The following GPC3 variants were observed in gnomAD, a reference collection of about 807,000 sequenced individuals.
GPC3 encodes glypican 3.
A neutral mutation model predicts 34.4 loss-of-function variants in GPC3; 3 were observed. That is an observed-to-expected ratio of 0.09 (90% confidence interval 0.04 to 0.23). GPC3 has a LOEUF of 0.23. Ranked by LOEUF, GPC3 falls within the 10% of genes least tolerant of loss-of-function variation. The pLI, the probability that GPC3 is intolerant of heterozygous loss-of-function variation, is 1.00. For synonymous variants in GPC3, 177 were observed against 174.0 expected (o/e 1.02, Z -0.13); for missense variants, 351 against 445.6 (o/e 0.79, Z 1.91).
chrX:133,955,959 T>C (rs1411077643), intron 1 of GPC3, among the ~76,000 whole-genome samples: 1 of 112,033 alleles, frequency 8.9e-6, no homozygotes, highest in Non-Finnish European at 1.9e-5. Flanking sequence ...GTTGATCATG[T>C]CCTTAACTTA....
intron 7 of GPC3, among the ~76,000 whole-genome samples, chrX:133,544,408 GGCTC>G (rs1353414463): frequency 1.8e-5 from 2 of 111,840 alleles, no homozygotes; most frequent in African/African-American, 6.5e-5. Context: ...CCTTAACTAG[GGCTC>G]AGACTGCTTC....
At chrX:133,747,670 T>C (rs1463854291) in intron 3 of GPC3, among the ~76,000 whole-genome samples, 1 of 111,798 alleles carries the variant, frequency 8.9e-6, no homozygotes, top group East Asian at 2.8e-4. Context: ...TTCTGCCACC[T>C]ACTAGCCAAG....
At chrX:133,856,408 T>TA (rs757138553) in intron 2 of GPC3, among the ~76,000 whole-genome samples, 1,956 of 108,729 alleles carry the variant, frequency 0.018, 52 homozygotes, top group African/African-American at 0.062. Context: ...GACCAAAATT[T>TA]AAAAAAAAAT....
intron 3 of GPC3, among the ~76,000 whole-genome samples, chrX:133,722,919 T>A (rs185417670): frequency 8.9e-6 from 1 of 111,841 alleles, no homozygotes. Flanking sequence ...AAGAGACTCA[T>A]CTTGCACATT....
At position 133,841,215 on chromosome X, in the gene GPC3, A is replaced by ATTTTTTTTTTTTTTTTTTTTTTTTTTT. The variant is rs769696321; in HGVS notation, c.338-87040_338-87039insAAAAAAAAAAAAAAAAAAAAAAAAAAA. 2.0e-4 allele frequency among the ~76,000 whole-genome samples: 8 copies of ATTTTTTTTTTTTTTTTTTTTTTTTTTT among 39,244 alleles called. 2 individuals carry two copies. Among genetic ancestry groups the ATTTTTTTTTTTTTTTTTTTTTTTTTTT allele is most frequent in the Middle Eastern group, 0.024 (1 of 42 alleles). The allele number at this position is 39,244 out of a possible 115,157, so 34.1% of individuals were successfully genotyped here. A position where few individuals can be genotyped will look rare whatever the true frequency, so the allele number is the denominator to read the frequency against. On this transcript the variant is annotated intron_variant, in intron 2 of 7. Coordinates refer to ENST00000370818, the MANE Select transcript of GPC3 (RefSeq NM_004484.4). ...ACCACCATGCCTGGCTAATCTTTTA[A>ATTTTTTTTTTTTTTTTTTTTTTTTTTT]TTTTTTTTTTTTTTTTTTTTTTTGG...
chrX:133,767,651 AG>A (rs1367106889), intron 2 of GPC3, among the ~76,000 whole-genome samples: 1 of 110,454 alleles, frequency 9.1e-6, no homozygotes, highest in African/African-American at 3.3e-5. Flanking sequence ...AGGCTGGCAT[AG>A]TTAACTCAGG....
rs189936761 is a variant in GPC3, at chrX:133,927,240, T to C, written c.337+25810A>G. Among the ~76,000 whole-genome samples the C allele has an allele frequency of 4.9e-4, 54 of 111,157 alleles. 3 individuals are homozygous for C. The East Asian group carries it at 6.8e-3, about 14-fold the overall frequency. ...TTTTTTTTTTAAAGTACAAAGTATT[T>C]AAGTACTTGTTTTGAACGATGCCAG... On this transcript the variant is annotated intron_variant, in intron 2 of 7. Coordinates refer to ENST00000370818, the MANE Select transcript of GPC3 (RefSeq NM_004484.4).
At chrX:133,835,430 T>G (rs1210466633) in intron 2 of GPC3, among the ~76,000 whole-genome samples, 2 of 111,932 alleles carry the variant, frequency 1.8e-5, no homozygotes, top group Admixed American at 9.5e-5. Flanking sequence ...ACCCCCATAT[T>G]CAATGAAGAG....
chrX:133,911,747 C>T (rs1304958292), intron 2 of GPC3, among the ~76,000 whole-genome samples: 1 of 111,522 alleles, frequency 9.0e-6, no homozygotes. Context: ...TGGTAGATTT[C>T]CGCTTTAAAA....
At chrX:133,653,703 G>A (rs754545634) in intron 6 of GPC3, among the ~76,000 whole-genome samples, 4 of 112,309 alleles carry the variant, frequency 3.6e-5, no homozygotes, top group Admixed American at 1.9e-4. Context: ...CCCAAACTTA[G>A]TTAATATCCA....
chrX:133,682,150 G>A (rs1421166954), intron 5 of GPC3, among the ~76,000 whole-genome samples: 4 of 111,537 alleles, frequency 3.6e-5, no homozygotes, highest in African/African-American at 3.3e-5. Context: ...CTAGGAGCCT[G>A]AGGCAGGAGG....
intron 2 of GPC3, among the ~76,000 whole-genome samples, chrX:133,791,379 C>T (rs748919260): frequency 1.4e-4 from 16 of 111,566 alleles, no homozygotes; most frequent in African/African-American, 3.6e-4. Flanking sequence ...CGACTTTCTG[C>T]GCAAAAGATA....
intron 5 of GPC3, among the ~76,000 whole-genome samples, chrX:133,673,348 C>G (rs1030295478): frequency 2.7e-5 from 3 of 112,316 alleles, no homozygotes; most frequent in Admixed American, 9.4e-5. Context: ...CAAACTGAGG[C>G]CCAGAGGCCA....
intron 2 of GPC3, among the ~76,000 whole-genome samples, chrX:133,910,939 A>G (rs1330378872): frequency 8.9e-6 from 1 of 111,741 alleles, no homozygotes; most frequent in African/African-American, 3.3e-5. Context: ...ATCTGTGTCC[A>G]GATGGAGTGA....
intron 3 of GPC3, among the ~76,000 whole-genome samples, chrX:133,740,245 G>C (rs921511760): frequency 1.8e-5 from 2 of 111,743 alleles, no homozygotes; most frequent in African/African-American, 6.5e-5. Context: ...GGTAGGGGAG[G>C]AAACAGACTT....
chrX:133,626,524 C>T (rs750021230), intron 6 of GPC3, among the ~76,000 whole-genome samples: 1 of 110,663 alleles, frequency 9.0e-6, no homozygotes, highest in Non-Finnish European at 1.9e-5. Flanking sequence ...AGACACTTCT[C>T]AAAAGAAGAC....
intron 2 of GPC3, among the ~76,000 whole-genome samples, chrX:133,819,084 C>G (rs1395947685): frequency 9.6e-6 from 1 of 104,399 alleles, no homozygotes; most frequent in Non-Finnish European, 2.0e-5. Context: ...TGCTGGTGTG[C>G]TGCACCCATT....
In GPC3 at chrX:133,754,002, A is replaced by G; in HGVS notation, c.512T>C (p.Phe171Ser). 1 of 1,211,399 alleles carries G rather than the reference A, an allele frequency of 8.3e-7. No individual in the cohort carries two copies. Among genetic ancestry groups the G allele is most frequent in the Non-Finnish European group, 1.1e-6 (1 of 895,138 alleles). The change falls in exon 3 of 8, where the codon TTT becomes TCT. Residue 171 changes from phenylalanine to serine, a missense_variant. Transcript: ENST00000370818. Reference protein sequence around the residue: ...INVDDMVNELFDSLFPVIYTQ... With the variant: ...INVDDMVNELSDSLFPVIYTQ... ...ATAGATGACTGGAAACAGGCTGTCA[A>G]ACAATTCATTGACCATGTCATCTAC...
intron 5 of GPC3, among the ~76,000 whole-genome samples, chrX:133,679,970 C>T (rs1347164379): frequency 4.5e-5 from 5 of 111,441 alleles, no homozygotes; most frequent in Non-Finnish European, 5.7e-5. Flanking sequence ...GTACCAGTCA[C>T]GAAGGAGCTA....
Sources: gnomAD v4.1 joint callset for allele counts (sites outside exome capture counted in the v4.1 genomes callset) on GRCh38, gnomAD v4.1.1 for gene constraint, MANE v1.5 for transcripts, NCBI Gene and HGNC (gene_info 2026-07-23, HGNC 2026-07-21) for gene names.